The following DSCAM variants were observed in gnomAD, a reference collection of about 807,000 sequenced individuals.
The protein encoded by DSCAM is DS cell adhesion molecule.
DSCAM carries 47 observed loss-of-function variants against 217.7 expected under a neutral mutation model. That is an observed-to-expected ratio of 0.22 (90% confidence interval 0.17 to 0.28). The LOEUF is 0.28. Among genes scored for constraint, DSCAM ranks in the 10% least tolerant of loss-of-function variants. The pLI is 1.00. For synonymous variants in DSCAM, 1,056 were observed against 1,015.3 expected, an observed-to-expected ratio of 1.04 and a Z score of -0.76; for missense variants, 2,080 against 2,618.3, an observed-to-expected ratio of 0.79 and a Z score of 4.49.
At chr21:40,038,187 A>G (rs1199013966) in intron 32 of DSCAM, among the ~76,000 whole-genome samples, 1 of 145,980 alleles carries the variant, frequency 6.9e-6, no homozygotes, top group East Asian at 2.0e-4. Context: ...TAAACTAAAG[A>G]GTTTCTGCAC....
chr21:40,686,013 G>A (rs758650523), intron 3 of DSCAM, among the ~76,000 whole-genome samples: 24 of 152,194 alleles, frequency 1.6e-4, no homozygotes, highest in South Asian at 4.2e-4. Flanking sequence ...CTGAGTCAGC[G>A]CTGCAATCAA....
At chr21:40,589,599 C>T (rs953117658) in intron 3 of DSCAM, among the ~76,000 whole-genome samples, 1 of 151,972 alleles carries the variant, frequency 6.6e-6, no homozygotes, top group East Asian at 1.9e-4. Context: ...AAAAAACACA[C>T]AAAAAACAAA....
intron 1 of DSCAM, among the ~76,000 whole-genome samples, chr21:40,718,239 A>G (rs2090864194): frequency 6.6e-6 from 1 of 152,226 alleles, no homozygotes; most frequent in Admixed American, 6.5e-5. Context: ...GCCACCCAAT[A>G]GCAAATTGGA....
intron 3 of DSCAM, among the ~76,000 whole-genome samples, chr21:40,545,694 A>G (rs1314212310): frequency 6.6e-6 from 1 of 152,214 alleles, no homozygotes; most frequent in Non-Finnish European, 1.5e-5. Flanking sequence ...ACACCATCCC[A>G]GCACACTGCA....
intron 3 of DSCAM, among the ~76,000 whole-genome samples, chr21:40,597,458 GTTTTT>G (rs533148918): frequency 9.9e-6 from 1 of 101,374 alleles, no homozygotes; most frequent in Non-Finnish European, 2.0e-5. Flanking sequence ...TTGCAAGCCG[GTTTTT>G]TTTTTTTTTT....
At chr21:40,472,416 T>C (rs1010145786) in intron 3 of DSCAM, among the ~76,000 whole-genome samples, 1 of 152,194 alleles carries the variant, frequency 6.6e-6, no homozygotes, top group Non-Finnish European at 1.5e-5. Flanking sequence ...AAAGAAAACT[T>C]TTAGGAAATA....
intron 2 of DSCAM, among the ~76,000 whole-genome samples, chr21:40,694,455 G>C (rs1281860376): frequency 6.6e-6 from 1 of 152,196 alleles, no homozygotes; most frequent in Non-Finnish European, 1.5e-5. Context: ...CTCTTTAGAA[G>C]AGGACTGTTA....
chr21:40,051,099 T>C (rs1269993506), intron 30 of DSCAM, among the ~76,000 whole-genome samples: 6 of 152,228 alleles, frequency 3.9e-5, no homozygotes, highest in Non-Finnish European at 2.9e-5. Context: ...TTTAACATTA[T>C]AATAGTTATT....
At chr21:40,525,815 G>T (rs573784741) in intron 3 of DSCAM, among the ~76,000 whole-genome samples, 1 of 152,296 alleles carries the variant, frequency 6.6e-6, no homozygotes, top group African/African-American at 2.4e-5. Flanking sequence ...AGCCAAGAGG[G>T]CTCCTACTGA....
At chr21:40,837,152 G>A (rs778210578) in intron 1 of DSCAM, among the ~76,000 whole-genome samples, 4 of 152,210 alleles carry the variant, frequency 2.6e-5, no homozygotes, top group Non-Finnish European at 5.9e-5. Context: ...GAGGGGATGT[G>A]TGGCTATGGG....
intron 3 of DSCAM, among the ~76,000 whole-genome samples, chr21:40,517,732 T>C (rs528336887): frequency 6.6e-6 from 1 of 152,230 alleles, no homozygotes; most frequent in Non-Finnish European, 1.5e-5. Flanking sequence ...GATCCCCTCT[T>C]TGGAATGTAG....
At chr21:40,240,974 C>T (rs183348908) in intron 11 of DSCAM, among the ~76,000 whole-genome samples, 379 of 152,202 alleles carry the variant, frequency 2.5e-3, no homozygotes, top group African/African-American at 3.7e-3. Context: ...TTACACCACA[C>T]GCAAAAATCA....
chr21:40,834,707 A>T (rs2092042989), intron 1 of DSCAM, among the ~76,000 whole-genome samples: 1 of 152,132 alleles, frequency 6.6e-6, no homozygotes, highest in Non-Finnish European at 1.5e-5. Context: ...AAGAGGTCAC[A>T]GCAATGTCTT....
chr21:40,625,119 A>G (rs1217049066), intron 3 of DSCAM, among the ~76,000 whole-genome samples: 1 of 152,190 alleles, frequency 6.6e-6, no homozygotes, highest in Non-Finnish European at 1.5e-5. Context: ...AAAATAATGA[A>G]CATTTATGAA....
At chr21:40,766,444 G>C (rs1034087330) in intron 1 of DSCAM, among the ~76,000 whole-genome samples, 15 of 151,984 alleles carry the variant, frequency 9.9e-5, no homozygotes, top group African/African-American at 3.6e-4. Flanking sequence ...AATGCTGAGA[G>C]ACATTCAATA....
intron 11 of DSCAM, among the ~76,000 whole-genome samples, chr21:40,196,978 G>T (rs148468865): frequency 0.013 from 1,913 of 152,242 alleles, 23 homozygotes; most frequent in Middle Eastern, 0.024. Flanking sequence ...TATTAACAAA[G>T]GTCTATGCAG....
At chr21:40,342,745 C>CTTTTTTTTTT (rs1217476912) in intron 6 of DSCAM, among the ~76,000 whole-genome samples, 6 of 67,132 alleles carry the variant, frequency 8.9e-5, no homozygotes, top group African/African-American at 1.4e-4. Context: ...CACACCACGC[C>CTTTTTTTTTT]TTTTTTTTTT....
chr21:40,615,669 C>T (rs982761926), intron 3 of DSCAM, among the ~76,000 whole-genome samples: 1 of 151,966 alleles, frequency 6.6e-6, no homozygotes, highest in African/African-American at 2.4e-5. Context: ...AAGCAGGGTA[C>T]CTCAGACCAC....
At position 40,339,278 on chromosome 21, in the gene DSCAM, C is replaced by T; in HGVS notation, c.1348G>A (p.Gly450Ser). The T allele has an allele frequency of 1.2e-6, 2 of 1,614,138 alleles. No homozygotes were observed. The highest frequency in any genetic ancestry group is 1.7e-6 in the Non-Finnish European group (2 of 1,180,036). ...ATCTGGCTGATGCGGTGACTGCCAC[C>T]CTTGAGAATCGGGTCATCGTCCAGG... ...WTLDDDPILK[G>S]GSHRISQMIT... The change falls in exon 7 of 33, where the codon GGT becomes AGT. Residue 450 changes from glycine (G) to serine (S), a missense_variant. This residue lies in a region of DSCAM where 568 missense variants were observed against 678.1 expected (regional missense o/e 0.84). Coordinates refer to ENST00000400454, the MANE Select transcript of DSCAM (RefSeq NM_001389.5).
Sources: gnomAD v4.1 joint callset for allele counts (sites outside exome capture counted in the v4.1 genomes callset) on GRCh38, gnomAD v4.1.1 for gene constraint, gnomAD v4.1.1 regional missense constraint, MANE v1.5 for transcripts, NCBI Gene and HGNC (gene_info 2026-07-23, HGNC 2026-07-21) for gene names.